DNAJC1: variants seen among roughly 807,000 people sequenced by gnomAD.
The protein encoded by DNAJC1 is dnaJ homolog subfamily C member 1.
A neutral mutation model predicts 76.6 loss-of-function variants in DNAJC1; 58 were observed. The ratio of observed to expected loss-of-function variants is 0.76; its 90% CI spans 0.61 to 0.94. DNAJC1 has a LOEUF of 0.94. DNAJC1 is among the 40% of genes least tolerant of loss of function. The pLI, the probability that DNAJC1 is intolerant of heterozygous loss-of-function variation, is 0.00. For synonymous variants in DNAJC1, 258 were observed against 267.9 expected, an observed-to-expected ratio of 0.96 and a Z score of 0.36; for missense variants, 689 against 677.3, an observed-to-expected ratio of 1.02 and a Z score of -0.19.
intron 3 of DNAJC1, among the ~76,000 whole-genome samples, chr10:21,924,920 A>G (rs571185188): frequency 4.7e-4 from 71 of 152,324 alleles, no homozygotes; most frequent in Middle Eastern, 3.4e-3. Context: ...GTATTTGTCT[A>G]TCTAAACTTA....
Position 21,933,997 on chromosome 10 carries a change from A to T in DNAJC1, c.223-4856T>A, listed in dbSNP as rs911915053. On this transcript the variant is annotated intron_variant, in intron 1 of 11. Transcript: ENST00000376980. Reference sequence around the variant, plus strand: ...TTATGGTTATTTCAGAGGGAAATTTAAAAAAAATTATAGAAGGAATAAAGT... The same window carrying T: ...TTATGGTTATTTCAGAGGGAAATTTTAAAAAAATTATAGAAGGAATAAAGT... Among the ~76,000 whole-genome samples, 9 of 152,078 alleles carry T rather than the reference A, an allele frequency of 5.9e-5. No homozygotes were observed. In the South Asian group the frequency reaches 1.9e-3, roughly 32 times the overall value.
chr10:21,994,716 G>A (rs374209011), intron 1 of DNAJC1, among the ~76,000 whole-genome samples: 28 of 151,888 alleles, frequency 1.8e-4, no homozygotes, highest in African/African-American at 6.5e-4. Flanking sequence ...GCATGAATCC[G>A]GGAGGCAGAG....
chr10:21,997,382 CCT>C (rs1284806041), intron 1 of DNAJC1, among the ~76,000 whole-genome samples: 1 of 152,188 alleles, frequency 6.6e-6, no homozygotes, highest in Non-Finnish European at 1.5e-5. Flanking sequence ...TGTGCCCTCT[CCT>C]CTACATTCTA....
At chr10:21,876,711 A>T (rs1304257214) in intron 8 of DNAJC1, among the ~76,000 whole-genome samples, 1 of 151,870 alleles carries the variant, frequency 6.6e-6, no homozygotes, top group East Asian at 1.9e-4. Flanking sequence ...AGATAAATGG[A>T]ACTAAGCAGA....
chr10:21,841,026 G>A (rs1036821535), intron 8 of DNAJC1, among the ~76,000 whole-genome samples: 16 of 152,190 alleles, frequency 1.1e-4, no homozygotes, highest in African/African-American at 3.4e-4. Flanking sequence ...TTAACAAATG[G>A]TGCTGGGAAA....
At chr10:21,770,428 A>T (rs1157319540) in intron 9 of DNAJC1, among the ~76,000 whole-genome samples, 1 of 120,514 alleles carries the variant, frequency 8.3e-6, no homozygotes, top group Non-Finnish European at 1.6e-5. Flanking sequence ...GATGGAGTCT[A>T]GCTCTGTCGC....
intron 1 of DNAJC1, among the ~76,000 whole-genome samples, chr10:21,955,951 G>GA (rs1837673147): frequency 6.6e-6 from 1 of 152,092 alleles, no homozygotes; most frequent in East Asian, 1.9e-4. Context: ...AAAATTTAAA[G>GA]AAAAAACTTA....
intron 9 of DNAJC1, among the ~76,000 whole-genome samples, chr10:21,778,595 C>A (rs1056843283): frequency 6.6e-6 from 1 of 151,820 alleles, no homozygotes; most frequent in African/African-American, 2.4e-5. Context: ...ACTGTACTTA[C>A]AAGAAAAAAA....
In DNAJC1 at chr10:21,929,088, T is replaced by C. The variant is rs576089208; in HGVS notation, c.276A>G (p.Leu92=). 6 of 1,612,710 alleles carry C rather than the reference T, an allele frequency of 3.7e-6. No individual in the cohort carries two copies. The African/African-American group carries it at 6.7e-5, about 18-fold the overall frequency. The change falls in exon 2 of 12, where the codon TTA becomes TTG. Residue 92 remains leucine, a synonymous_variant. Transcript: ENST00000376980. ...TTTCATCTTTATTCTTGTCTGGATG[T>C]AAAGTTAGTGAAAGCTTACGATATG... ...RKAYRKLSLT[L]HPDKNKDENA... is the part of the protein sequence containing the mutation.
intron 8 of DNAJC1, among the ~76,000 whole-genome samples, chr10:21,819,662 G>T (rs1243778170): frequency 6.6e-6 from 1 of 152,076 alleles, no homozygotes; most frequent in African/African-American, 2.4e-5. Flanking sequence ...AGGCACAGTG[G>T]CTCACACCTG....
chr10:21,891,336 T>C (rs1469543769), intron 7 of DNAJC1, among the ~76,000 whole-genome samples: 2 of 151,482 alleles, frequency 1.3e-5, no homozygotes, highest in African/African-American at 4.9e-5. Context: ...CAAATGGAAA[T>C]GTCAGAATTG....
chr10:21,772,896 C>A (rs1834404943), intron 9 of DNAJC1, among the ~76,000 whole-genome samples: 2 of 152,138 alleles, frequency 1.3e-5, no homozygotes, highest in Non-Finnish European at 2.9e-5. Context: ...AGGAAACTTA[C>A]AATCACGGCA....
intron 7 of DNAJC1, among the ~76,000 whole-genome samples, chr10:21,897,904 A>G (rs1590038795): frequency 6.6e-6 from 1 of 152,370 alleles, no homozygotes; most frequent in South Asian, 2.1e-4. Flanking sequence ...AATAAAATGC[A>G]TAGATTGTAA....
At chr10:21,989,475 A>G (rs894184209) in intron 1 of DNAJC1, among the ~76,000 whole-genome samples, 2 of 152,198 alleles carry the variant, frequency 1.3e-5, no homozygotes, top group Admixed American at 6.5e-5. Flanking sequence ...CATGACTACA[A>G]GTAGGCAGAC....
At chr10:21,872,865 T>C (rs765850186) in intron 8 of DNAJC1, among the ~76,000 whole-genome samples, 13 of 152,174 alleles carry the variant, frequency 8.5e-5, no homozygotes, top group Non-Finnish European at 1.6e-4. Flanking sequence ...ACCCCTCATA[T>C]TGTCTTACAC....
chr10:21,955,140 G>T (rs1590065748), intron 1 of DNAJC1, among the ~76,000 whole-genome samples: 1 of 152,118 alleles, frequency 6.6e-6, no homozygotes, highest in African/African-American at 2.4e-5. Flanking sequence ...GGGCAGGGGG[G>T]AACAGCCCCC....
At chr10:21,882,489 T>A in intron 7 of DNAJC1, 50 bp from the exon 8 acceptor site, 1 of 1,222,250 alleles carries the variant, frequency 8.2e-7, no homozygotes, top group Non-Finnish European at 1.1e-6. Flanking sequence ...AAGAATAAAA[T>A]TAATTTCTAA....
intron 8 of DNAJC1, among the ~76,000 whole-genome samples, chr10:21,835,597 A>G (rs1835437244): frequency 6.6e-6 from 1 of 152,178 alleles, no homozygotes. Flanking sequence ...AGACGAATGG[A>G]TAACTAGAAT....
rs577954037 is a variant in DNAJC1 at position 21,837,977 on chromosome 10, C to T, written c.979-31878G>A. Among the ~76,000 whole-genome samples, 324 of 149,554 alleles carry T rather than the reference C, an allele frequency of 2.2e-3. 3 individuals are homozygous for T. The highest frequency in any genetic ancestry group is 7.4e-3 in the African/African-American group (305 of 41,020). The stretch of plus-strand genomic sequence containing the variant: ...CGGGAGGGAGGTGGGGGGCAGTCCC[C>T]GCCCGGCCAGCCGCCCCGGCTGGGA... On this transcript the variant is annotated intron_variant, in intron 8 of 11. Coordinates refer to ENST00000376980, the MANE Select transcript of DNAJC1 (RefSeq NM_022365.4).
Sources: gnomAD v4.1 joint callset for allele counts (sites outside exome capture counted in the v4.1 genomes callset) on GRCh38, gnomAD v4.1.1 for gene constraint, MANE v1.5 for transcripts, NCBI Gene and HGNC (gene_info 2026-07-23, HGNC 2026-07-21) for gene names.